GPC5: variants seen among roughly 807,000 people sequenced by gnomAD.
GPC5 encodes glypican 5.
In GPC5, 47 loss-of-function variants were observed where a neutral mutation model predicts 53.9. The observed-to-expected ratio is 0.87, with a 90% CI of 0.69 to 1.11. The LOEUF (loss-of-function observed/expected upper bound fraction) is 1.11. Among genes scored for constraint, GPC5 ranks in the 50% most tolerant of loss-of-function variants. The pLI, the probability that GPC5 is intolerant of heterozygous loss-of-function variation, is 0.00. For synonymous variants in GPC5, 286 were observed against 263.3 expected (o/e 1.09, Z -0.84); for missense variants, 748 against 713.1 (o/e 1.05, Z -0.56).
chr13:92,162,532 G>A (rs1186853713), intron 7 of GPC5, among the ~76,000 whole-genome samples: 1 of 152,196 alleles, frequency 6.6e-6, no homozygotes, highest in Non-Finnish European at 1.5e-5. Flanking sequence ...GACACCTGAA[G>A]AAGCAGTTAT....
intron 7 of GPC5, among the ~76,000 whole-genome samples, chr13:92,750,719 T>C (rs1889364170): frequency 6.6e-6 from 1 of 152,204 alleles, no homozygotes. Flanking sequence ...AAAAGAGGGT[T>C]AATTCTTAAA....
intron 7 of GPC5, among the ~76,000 whole-genome samples, chr13:92,549,925 C>A (rs1882254277): frequency 8.2e-6 from 1 of 121,998 alleles, no homozygotes; most frequent in Non-Finnish European, 1.7e-5. Flanking sequence ...ACACACAATT[C>A]TTTTTTGTAT....
At chr13:92,042,374 C>T (rs992513987) in intron 6 of GPC5, among the ~76,000 whole-genome samples, 25 of 152,114 alleles carry the variant, frequency 1.6e-4, no homozygotes, top group East Asian at 1.9e-4. Context: ...TACATCCAAC[C>T]GCAAAGGATA....
At chr13:92,840,078 CATAT>C (rs4001881) in intron 7 of GPC5, among the ~76,000 whole-genome samples, 8,256 of 95,380 alleles carry the variant, frequency 0.087, 293 homozygotes, top group Non-Finnish European at 0.1. Flanking sequence ...TATATACATA[CATAT>C]ATATATATAT....
At chr13:92,634,031 T>C (rs1222639749) in intron 7 of GPC5, among the ~76,000 whole-genome samples, 1 of 152,102 alleles carries the variant, frequency 6.6e-6, no homozygotes, top group African/African-American at 2.4e-5. Context: ...GAGATAATAC[T>C]GTGATATTTA....
At chr13:92,271,428 T>A (rs899928374) in intron 7 of GPC5, among the ~76,000 whole-genome samples, 1 of 152,212 alleles carries the variant, frequency 6.6e-6, no homozygotes, top group African/African-American at 2.4e-5. Flanking sequence ...CCTTGGGACA[T>A]GTTTTCCATG....
chr13:92,244,302 G>A (rs1419838446), intron 7 of GPC5, among the ~76,000 whole-genome samples: 1 of 152,132 alleles, frequency 6.6e-6, no homozygotes, highest in African/African-American at 2.4e-5. Flanking sequence ...ATTTCCAGAA[G>A]AGTAAACTTT....
At chr13:91,824,059 G>A (rs1383832893) in intron 5 of GPC5, among the ~76,000 whole-genome samples, 3 of 151,906 alleles carry the variant, frequency 2.0e-5, no homozygotes, top group East Asian at 3.9e-4. Flanking sequence ...AACAGTAAGT[G>A]GTCACATGTG....
At chr13:92,297,762 C>T (rs907318035) in intron 7 of GPC5, among the ~76,000 whole-genome samples, 1 of 152,040 alleles carries the variant, frequency 6.6e-6, no homozygotes, top group Non-Finnish European at 1.5e-5. Flanking sequence ...AAGCAGGCTG[C>T]CCGAGCCAGC....
At chr13:92,116,981 T>G (rs1157919002) in intron 6 of GPC5, among the ~76,000 whole-genome samples, 2 of 152,182 alleles carry the variant, frequency 1.3e-5, no homozygotes, top group African/African-American at 2.4e-5. Context: ...TTTTTCTAGT[T>G]TATGGGTTGT....
At chr13:92,088,063 G>T (rs1282039021) in intron 6 of GPC5, among the ~76,000 whole-genome samples, 1 of 151,858 alleles carries the variant, frequency 6.6e-6, no homozygotes, top group Admixed American at 6.6e-5. Context: ...AGCCACCACA[G>T]CCGGGCCCCA....
chr13:92,014,243 G>A (rs117835581), intron 6 of GPC5, among the ~76,000 whole-genome samples: 5,717 of 152,224 alleles, frequency 0.038, 149 homozygotes, highest in Middle Eastern at 0.061. Context: ...AAATTTAAGA[G>A]GGCAGAATAA....
chr13:91,605,272 G>T (rs1216768674), intron 2 of GPC5, among the ~76,000 whole-genome samples: 4 of 147,022 alleles, frequency 2.7e-5, no homozygotes, highest in Admixed American at 6.8e-5. Flanking sequence ...GTAGAGATGC[G>T]GCGTTATTTC....
intron 7 of GPC5, among the ~76,000 whole-genome samples, chr13:92,287,806 T>A (rs1024126152): frequency 6.6e-6 from 1 of 152,196 alleles, no homozygotes; most frequent in East Asian, 1.9e-4. Context: ...ATGTCTTCCA[T>A]CAAATTTGGA....
chr13:92,166,074 C>G (rs1163077231), intron 7 of GPC5, among the ~76,000 whole-genome samples: 3 of 152,090 alleles, frequency 2.0e-5, no homozygotes, highest in Admixed American at 6.5e-5. Context: ...TAGAAAATTG[C>G]AGAAGAAACT....
In GPC5 at chr13:92,407,565, CAT is replaced by C. The variant is rs1483166473; in HGVS notation, c.1561+262577_1561+262578del. ...ATTCTCTTAATACAACCTTTTGAGA[CAT>C]GTGTCACAATAACGCTTTTTCTCTA... On this transcript the variant is annotated intron_variant, in intron 7 of 7. Coordinates refer to ENST00000377067, the MANE Select transcript of GPC5 (RefSeq NM_004466.6). Among the ~76,000 whole-genome samples the C allele has an allele frequency of 5.3e-5, 8 of 152,250 alleles. No homozygotes were observed. The South Asian group carries it at 1.4e-3, about 28-fold the overall frequency.
At chr13:92,430,699 C>T (rs1399924838) in intron 7 of GPC5, among the ~76,000 whole-genome samples, 1 of 152,032 alleles carries the variant, frequency 6.6e-6, no homozygotes, top group Non-Finnish European at 1.5e-5. Flanking sequence ...AAATAAGTTT[C>T]TTAAAAGCCT....
chr13:92,714,747 A>T (rs1436024951), intron 7 of GPC5, among the ~76,000 whole-genome samples: 3 of 152,164 alleles, frequency 2.0e-5, no homozygotes, highest in Non-Finnish European at 2.9e-5. Flanking sequence ...TTTTCCTAAA[A>T]AGCACTTGGC....
intron 7 of GPC5, among the ~76,000 whole-genome samples, chr13:92,306,093 A>G (rs1412814253): frequency 6.6e-6 from 1 of 152,186 alleles, no homozygotes; most frequent in Non-Finnish European, 1.5e-5. Flanking sequence ...TCAATTGAGT[A>G]GTGAGATTGG....
Sources: allele counts gnomAD v4.1 joint callset (sites outside exome capture counted in the v4.1 genomes callset), GRCh38; gene constraint gnomAD v4.1.1; transcripts MANE v1.5; gene names NCBI Gene and HGNC (gene_info 2026-07-23, HGNC 2026-07-21).